The following NMT2 variants were observed in gnomAD, a reference collection of about 807,000 sequenced individuals.
NMT2 encodes glycylpeptide N-tetradecanoyltransferase 2.
NMT2 carries 35 observed loss-of-function variants against 65.4 expected under a neutral mutation model. The ratio of observed to expected loss-of-function variants is 0.54; its 90% CI spans 0.41 to 0.71. The LOEUF (loss-of-function observed/expected upper bound fraction) is 0.71. Ranked by LOEUF, NMT2 falls within the 30% of genes least tolerant of loss-of-function variation. NMT2 has a pLI of 0.00. For synonymous variants in NMT2, 226 were observed against 231.8 expected, an observed-to-expected ratio of 0.98 and a Z score of 0.23; for missense variants, 489 against 611.3, an observed-to-expected ratio of 0.80 and a Z score of 2.11.
rs368165596 is a variant in NMT2 at position 15,123,959 on chromosome 10, T to C, written c.999+4391A>G. On this transcript the variant is annotated intron_variant, in intron 8 of 11. Coordinates refer to ENST00000378165, the MANE Select transcript of NMT2 (RefSeq NM_004808.3). ...GAGAGCCAAGATTCCAGAGAAGAGATGTAAGCAATGATTATGGTTATTTAT... is the reference window on the plus strand; with the variant it reads ...GAGAGCCAAGATTCCAGAGAAGAGACGTAAGCAATGATTATGGTTATTTAT... 2.0e-5 allele frequency among the ~76,000 whole-genome samples: 3 copies of C among 152,162 alleles called. No individual in the cohort carries two copies. The East Asian group carries it at 5.8e-4, about 29-fold the overall frequency.
At chr10:15,139,909 A>G (rs1214564788) in intron 2 of NMT2, 1 of 105,766 alleles carries the variant, frequency 9.5e-6, no homozygotes, top group Non-Finnish European at 2.1e-5. Flanking sequence ...ATATATATAT[A>G]TGCACTGTTT....
chr10:15,138,040 T>G (rs987648206), intron 2 of NMT2, among the ~76,000 whole-genome samples: 6 of 146,540 alleles, frequency 4.1e-5, no homozygotes, highest in African/African-American at 1.5e-4. Context: ...AGGCAGAGTC[T>G]CACTCTGTCG....
At chr10:15,165,415 T>C (rs1363313505) in intron 1 of NMT2, among the ~76,000 whole-genome samples, 1 of 152,206 alleles carries the variant, frequency 6.6e-6, no homozygotes, top group African/African-American at 2.4e-5. Flanking sequence ...AATCCTCTAT[T>C]AGCCTGGTTC....
chr10:15,149,966 T>C (rs1284177445), intron 1 of NMT2, among the ~76,000 whole-genome samples: 1 of 152,216 alleles, frequency 6.6e-6, no homozygotes, highest in African/African-American at 2.4e-5. Context: ...ATTGCGATCT[T>C]TGGACATTTT....
intron 2 of NMT2, among the ~76,000 whole-genome samples, chr10:15,140,772 C>T (rs1230926650): frequency 6.6e-6 from 1 of 152,176 alleles, no homozygotes; most frequent in East Asian, 1.9e-4. Context: ...GGGGTTGGCT[C>T]CACAGACAGG....
At position 15,119,454 on chromosome 10, in the gene NMT2, T is replaced by C. The variant is rs762018226; in HGVS notation, c.1059A>G (p.Glu353=). 4 of 1,614,080 alleles carry C rather than the reference T, an allele frequency of 2.5e-6. No individual in the cohort carries two copies. The highest frequency in any genetic ancestry group is 1.3e-5 in the African/African-American group (1 of 74,944). ...ACTGCTTCAGGTAAGTGTTGATTAA[T>C]TCTCGAACTGATTTGATATCTTTTG... ...MEPKDIKSVR[E]LINTYLKQFH... Residue 353 remains glutamate (E), a synonymous_variant, in exon 9 of 12, where the codon GAA becomes GAG. Transcript: ENST00000378165.
At chr10:15,152,311 A>T (rs190177431) in intron 1 of NMT2, among the ~76,000 whole-genome samples, 1 of 152,348 alleles carries the variant, frequency 6.6e-6, no homozygotes, top group East Asian at 1.9e-4. Flanking sequence ...GTCATGGTCC[A>T]CTCTGGGATG....
intron 1 of NMT2, among the ~76,000 whole-genome samples, chr10:15,167,787 G>A (rs2131652738): frequency 6.6e-6 from 1 of 152,328 alleles, no homozygotes; most frequent in East Asian, 1.9e-4. Flanking sequence ...GTGGTGCATC[G>A]AGTTTTGGAG....
At position 15,139,702 on chromosome 10, in the gene NMT2, A is replaced by G. The variant is rs1163554956; in HGVS notation, c.246+1720T>C. On this transcript the variant is annotated intron_variant, in intron 2 of 11. Transcript: ENST00000378165. ...TCTCACCCTGCAGTCAGTCAGGGAA[A>G]AATTGGGGCAAGTAATTTTCCTTCT... 3.3e-5 allele frequency: 5 copies of G among 151,552 alleles called. 1 individual carries two copies. The highest frequency in any genetic ancestry group is 1.2e-4 in the African/African-American group (5 of 41,274). 9.4% of individuals were successfully genotyped at this position (151,552 alleles called of 1,614,324 possible).
intron 9 of NMT2, among the ~76,000 whole-genome samples, chr10:15,115,126 C>T (rs1845702468): frequency 6.6e-6 from 1 of 151,884 alleles, no homozygotes; most frequent in Admixed American, 6.6e-5. Flanking sequence ...GGAATTTCTT[C>T]AAATAGAAAG....
intron 9 of NMT2, among the ~76,000 whole-genome samples, chr10:15,115,584 C>A (rs1164079012): frequency 3.3e-5 from 5 of 152,152 alleles, no homozygotes; most frequent in African/African-American, 1.2e-4. Context: ...AAATGGTAGA[C>A]TTAAGCTCTA....
chr10:15,120,717 A>G (rs1450603478), intron 8 of NMT2, among the ~76,000 whole-genome samples: 2 of 152,236 alleles, frequency 1.3e-5, no homozygotes, highest in Non-Finnish European at 2.9e-5. Context: ...AACAAAAATG[A>G]TATAGGAGTG....
At chr10:15,131,532 T>C (rs2131543243) in intron 6 of NMT2, among the ~76,000 whole-genome samples, 1 of 152,288 alleles carries the variant, frequency 6.6e-6, no homozygotes, top group Non-Finnish European at 1.5e-5. Flanking sequence ...AGATGTTGCT[T>C]TGGAGTGTGA....
At chr10:15,109,331 T>G in intron 11 of NMT2, 116 bp from the exon 12 acceptor site, 1 of 1,306,872 alleles carries the variant, frequency 7.7e-7, no homozygotes, top group South Asian at 1.5e-5. Flanking sequence ...TCCCGGCACT[T>G]TGGGAGGCCA....
At chr10:15,113,565 A>G (rs1845647492) in intron 9 of NMT2, among the ~76,000 whole-genome samples, 1 of 151,994 alleles carries the variant, frequency 6.6e-6, no homozygotes, top group African/African-American at 2.4e-5. Context: ...TCTTTAGACT[A>G]AGGGAACAGT....
intron 1 of NMT2, 166 bp downstream of exon 1, chr10:15,168,337 G>A: frequency 2.9e-6 from 1 of 348,738 alleles, no homozygotes; most frequent in Non-Finnish European, 5.3e-6. Context: ...ACTCTCCCGC[G>A]AGCCGCGCGC....
Position 15,167,957 on chromosome 10 carries a change from T to C in NMT2, c.110+546A>G, listed in dbSNP as rs1043917213. 1.4e-3 allele frequency among the ~76,000 whole-genome samples: 214 copies of C among 152,212 alleles called. 2 individuals are homozygous for C. Among genetic ancestry groups the C allele is most frequent in the African/African-American group, 5.0e-3 (207 of 41,538 alleles). On this transcript the variant is annotated intron_variant, in intron 1 of 11. Transcript: ENST00000378165. ...CGGGACCCCCTCGGCGCCAGAACTT[T>C]GCGCAGTTCGCCGCCTGCGGCCCCG...
At chr10:15,136,614 C>CCCTCCTGAT (rs1383262708) in intron 2 of NMT2, among the ~76,000 whole-genome samples, 1 of 152,152 alleles carries the variant, frequency 6.6e-6, no homozygotes, top group Non-Finnish European at 1.5e-5. Context: ...CTTCTCCTGA[C>CCCTCCTGAT]CCTCCTGATC....
intron 1 of NMT2, among the ~76,000 whole-genome samples, chr10:15,142,291 C>T (rs1320330704): frequency 6.6e-6 from 1 of 152,206 alleles, no homozygotes; most frequent in East Asian, 1.9e-4. Flanking sequence ...GGCACAGTGG[C>T]TCATGCCTGT....
Sources: gnomAD v4.1 joint callset for allele counts (sites outside exome capture counted in the v4.1 genomes callset) on GRCh38, gnomAD v4.1.1 for gene constraint, MANE v1.5 for transcripts, NCBI Gene and HGNC (gene_info 2026-07-23, HGNC 2026-07-21) for gene names.